ARID2: variants seen among roughly 807,000 people sequenced by gnomAD.
The protein encoded by ARID2 is AT-rich interaction domain 2, also known as AT-rich interactive domain-containing protein 2.
Under a neutral mutation model 184.6 loss-of-function variants are expected in ARID2, and 32 were observed. That is an observed-to-expected ratio of 0.17 (90% CI 0.13 to 0.23). The LOEUF (loss-of-function observed/expected upper bound fraction) is 0.23, where lower values mean the gene tolerates loss of function less well. Among genes scored for constraint, ARID2 ranks in the 10% least tolerant of loss-of-function variants. The probability of loss-of-function intolerance (pLI) is 1.00; values close to 1 mark genes in which losing one functional copy is unlikely to be tolerated. For synonymous variants in ARID2, 836 were observed against 772.6 expected (o/e 1.08, Z -1.36); for missense variants, 1,696 against 2,197.6 (o/e 0.77, Z 4.56).
chr12:45,891,508 T>G (rs1944301374), intron 16 of ARID2, among the ~76,000 whole-genome samples: 2 of 152,222 alleles, frequency 1.3e-5, no homozygotes, highest in South Asian at 2.1e-4. Context: ...AGTAAATGCT[T>G]GAGAAATTTA....
chr12:45,821,387 A>T, intron 5 of ARID2, 33 bp from the exon 6 acceptor site: 1 of 1,299,214 alleles, frequency 7.7e-7, no homozygotes, highest in Non-Finnish European at 1.0e-6. Flanking sequence ...ATTGCATTTT[A>T]TTGAATGTAC....
At chr12:45,765,432 A>C (rs1227403834) in intron 3 of ARID2, among the ~76,000 whole-genome samples, 3 of 151,676 alleles carry the variant, frequency 2.0e-5, no homozygotes, top group Non-Finnish European at 2.9e-5. Context: ...GCTGGTCTTG[A>C]ATTCCTGGGC....
intron 16 of ARID2, among the ~76,000 whole-genome samples, chr12:45,875,917 A>T (rs1388112705): frequency 6.6e-6 from 1 of 152,238 alleles, no homozygotes; most frequent in Non-Finnish European, 1.5e-5. Context: ...CCATATCAGC[A>T]AGGCTCTTTC....
Position 45,846,840 on chromosome 12 carries a change from G to A in ARID2, c.1499-16G>A, listed in dbSNP as rs758900792. On this transcript the variant is annotated splice_polypyrimidine_tract_variant and intron_variant, in intron 11 of 20. Coordinates refer to ENST00000334344, the MANE Select transcript of ARID2 (RefSeq NM_152641.4). ...ACTTTTAAGAAATGATGTAGCTAATGTATTTTTTTCTTTAGCTTCCAGAGC... is the reference window on the plus strand; with the variant it reads ...ACTTTTAAGAAATGATGTAGCTAATATATTTTTTTCTTTAGCTTCCAGAGC... 5.0e-6 allele frequency: 8 copies of A among 1,611,216 alleles called. No homozygotes were observed. Among genetic ancestry groups the A allele is most frequent in the South Asian group, 1.1e-5 (1 of 90,806 alleles).
rs1943577867 is a variant in ARID2 at position 45,852,681 on chromosome 12, G to A, written c.4558G>A (p.Glu1520Lys). The change falls in exon 15 of 21, where the codon GAG becomes AAG. Residue 1520 changes from glutamate (E) to lysine (K), a missense_variant. Around this residue, in one of 11 missense-constraint regions of ARID2, gnomAD observed 428 missense variants for 409.1 expected, o/e 1.05. Coordinates refer to ENST00000334344, the MANE Select transcript of ARID2 (RefSeq NM_152641.4). ...AECKTVKRPA[E>K]DTDRETVAGI... is the part of the protein sequence containing the mutation. ...ATGCAAAACTGTAAAGAGGCCAGCA[G>A]AGGATACTGATAGGGAAACAGTCGC... 1 of 1,614,200 alleles carries A rather than the reference G, an allele frequency of 6.2e-7. No individual in the cohort carries two copies.
intron 11 of ARID2, chr12:45,840,245 T>C (rs1476094601): frequency 1.3e-5 from 2 of 152,196 alleles, no homozygotes; most frequent in Non-Finnish European, 2.9e-5. Flanking sequence ...CACCTCCTGC[T>C]GTCCCCAAGA....
intron 3 of ARID2, among the ~76,000 whole-genome samples, chr12:45,773,655 A>G (rs1190422128): frequency 6.6e-6 from 1 of 152,144 alleles, no homozygotes; most frequent in Non-Finnish European, 1.5e-5. Flanking sequence ...ACAACTTTCT[A>G]GAAAGATACA....
rs536363764 is a variant in ARID2 at position 45,873,129 on chromosome 12, C to G, written c.4922+12180C>G. On this transcript the variant is annotated intron_variant, in intron 16 of 20. Transcript: ENST00000334344. ...AGGTTTTCTTTATCATTATGTAATG[C>G]CCCTCTTGATCCACGATAATTTTCC... Among the ~76,000 whole-genome samples the G allele has an allele frequency of 2.2e-4, 34 of 152,260 alleles. 1 individual carries two copies. In the South Asian group the frequency reaches 7.1e-3, roughly 32 times the overall value.
At position 45,828,540 on chromosome 12, in the gene ARID2, T is replaced by C. The variant is rs77505047; in HGVS notation, c.705+7053T>C. Among the ~76,000 whole-genome samples the C allele has an allele frequency of 7.7e-3, 1,173 of 152,202 alleles. 20 individuals carry two copies. The highest frequency in any genetic ancestry group is 0.026 in the African/African-American group (1,100 of 41,564). The stretch of plus-strand genomic sequence containing the variant: ...ATCTGTATTCAGCTTTGGTAGATAC[T>C]ACCAAACATGTTTCAAAGCAGTTGT... On this transcript the variant is annotated intron_variant, in intron 6 of 20. Transcript: ENST00000334344.
rs1471560126 is a variant in ARID2, at chr12:45,730,644, G to A, written c.186+507G>A. The stretch of plus-strand genomic sequence containing the variant: ...GGCTGCGAAATAATCCCGGCAGCCG[G>A]GGGCACAGCCTCGGCCCCGTCGCCC... On this transcript the variant is annotated intron_variant, in intron 2 of 20. Transcript: ENST00000334344. Among the ~76,000 whole-genome samples, 101 of 152,096 alleles carry A rather than the reference G, an allele frequency of 6.6e-4. 2 individuals are homozygous for A. Among genetic ancestry groups the A allele is most frequent in the Admixed American group, 6.5e-3 (100 of 15,282 alleles).
intron 16 of ARID2, among the ~76,000 whole-genome samples, chr12:45,861,195 A>G (rs1191849605): frequency 2.0e-5 from 3 of 152,220 alleles, no homozygotes; most frequent in African/African-American, 7.2e-5. Flanking sequence ...ATTTGTTTTC[A>G]GTAAAGAAAA....
chr12:45,794,161 A>AC (rs1176387638), intron 3 of ARID2, among the ~76,000 whole-genome samples: 1 of 152,132 alleles, frequency 6.6e-6, no homozygotes, highest in Non-Finnish European at 1.5e-5. Context: ...TTCATCTTCC[A>AC]CCCATACACT....
At chr12:45,797,110 T>A (rs1412028059) in intron 3 of ARID2, among the ~76,000 whole-genome samples, 1 of 152,230 alleles carries the variant, frequency 6.6e-6, no homozygotes, top group Non-Finnish European at 1.5e-5. Flanking sequence ...CAATCCTTTT[T>A]ATAATGATTT....
intron 3 of ARID2, chr12:45,789,617 C>T (rs1942257155): frequency 6.6e-6 from 1 of 152,106 alleles, no homozygotes; most frequent in African/African-American, 2.4e-5. Flanking sequence ...TCTGCCTGAA[C>T]TACCAATACA....
chr12:45,798,070 C>T (rs1258721254), intron 3 of ARID2, among the ~76,000 whole-genome samples: 1 of 152,120 alleles, frequency 6.6e-6, no homozygotes, highest in African/African-American at 2.4e-5. Flanking sequence ...GATAGAAATA[C>T]ACCATATACA....
rs776897929 is a variant in ARID2, at chr12:45,851,257, C to T, written c.3134C>T (p.Ser1045Leu). The part of the protein sequence containing the change: ...QVQMQVQPQQ[S>L]NAGVGQPASG... ...CAGATGCAAGTTCAACCTCAACAGT[C>T]GAATGCAGGAGTTGGTCAGCCTGCC... Residue 1045 changes from serine to leucine, a missense_variant, in exon 15 of 21, where the codon TCG becomes TTG. By Grantham distance (145) the Ser-to-Leu change is moderately radical. Coordinates refer to ENST00000334344, the MANE Select transcript of ARID2 (RefSeq NM_152641.4). 8 of 1,614,028 alleles carry T rather than the reference C, an allele frequency of 5.0e-6. No individual in the cohort carries two copies. The highest frequency in any genetic ancestry group is 2.2e-5 in the South Asian group (2 of 91,076).
chr12:45,868,534 T>G (rs1057112873), intron 16 of ARID2, among the ~76,000 whole-genome samples: 1 of 152,246 alleles, frequency 6.6e-6, no homozygotes, highest in Admixed American at 6.5e-5. Context: ...AATTTAAATC[T>G]TAATGGTTTT....
chr12:45,737,356 C>A (rs760995242), intron 3 of ARID2, among the ~76,000 whole-genome samples: 2 of 151,934 alleles, frequency 1.3e-5, no homozygotes, highest in Non-Finnish European at 2.9e-5. Context: ...CCCTCTCCCC[C>A]CGCCCTTTTT....
chr12:45,747,748 TATTA>T (rs1941386409), intron 3 of ARID2, among the ~76,000 whole-genome samples: 1 of 152,254 alleles, frequency 6.6e-6, no homozygotes, highest in Non-Finnish European at 1.5e-5. Flanking sequence ...AGTTGTAGAA[TATTA>T]ATTAACATTG....
Sources: gnomAD v4.1 joint callset for allele counts (sites outside exome capture counted in the v4.1 genomes callset) on GRCh38, gnomAD v4.1.1 for gene constraint, gnomAD v4.1.1 regional missense constraint, MANE v1.5 for transcripts, NCBI Gene and HGNC (gene_info 2026-07-23, HGNC 2026-07-21) for gene names.